The following ZNF618 variants were observed in gnomAD, a reference collection of about 807,000 sequenced individuals.
The protein encoded by ZNF618 is neural precursor cell expressed, developmentally down-regulated 10.
ZNF618 carries 34 observed loss-of-function variants against 103.0 expected under a neutral mutation model. That is an observed-to-expected ratio of 0.33 (90% CI 0.25 to 0.44). The LOEUF (loss-of-function observed/expected upper bound fraction) is 0.44, where lower values mean the gene tolerates loss of function less well. Ranked by LOEUF, ZNF618 falls within the 20% of genes least tolerant of loss-of-function variation. The probability of loss-of-function intolerance (pLI) is 1.00; values close to 1 mark genes in which losing one functional copy is unlikely to be tolerated. For missense variants in ZNF618, 1,059 were observed against 1,295.4 expected (o/e 0.82, Z 2.80); for synonymous variants, 551 against 542.2 (o/e 1.02, Z -0.23).
intron 1 of ZNF618, among the ~76,000 whole-genome samples, chr9:113,917,272 G>A (rs372362460): frequency 7.7e-6 from 1 of 129,822 alleles, no homozygotes; most frequent in African/African-American, 2.9e-5. Context: ...TGAGATAGGG[G>A]TCTGGCTTTG....
At chr9:114,041,948 T>G (rs1372627558) in intron 13 of ZNF618, among the ~76,000 whole-genome samples, 4 of 152,254 alleles carry the variant, frequency 2.6e-5, no homozygotes, top group African/African-American at 9.6e-5. Flanking sequence ...ATATTGATTC[T>G]TCCTATCCAT....
chr9:114,000,723 T>G (rs1841110579), intron 4 of ZNF618, among the ~76,000 whole-genome samples: 2 of 152,168 alleles, frequency 1.3e-5, no homozygotes, highest in Non-Finnish European at 2.9e-5. Flanking sequence ...GAGTAGGAGT[T>G]AATGATCTTC....
chr9:113,881,847 T>G (rs1041916120), intron 1 of ZNF618, among the ~76,000 whole-genome samples: 4 of 152,196 alleles, frequency 2.6e-5, no homozygotes, highest in Admixed American at 1.3e-4. Flanking sequence ...CTTTTATTTG[T>G]CCCAACGCAG....
intron 12 of ZNF618, among the ~76,000 whole-genome samples, chr9:114,034,006 T>TTTA (rs1310064367): frequency 6.6e-6 from 1 of 152,164 alleles, no homozygotes; most frequent in African/African-American, 2.4e-5. Context: ...CACCACTTAC[T>TTTA]AGCTGGTGAC....
intron 8 of ZNF618, 46 bp downstream of exon 8, chr9:114,008,425 G>A (rs756950860): frequency 6.2e-7 from 1 of 1,613,900 alleles, no homozygotes. Flanking sequence ...CCCCGGCTGG[G>A]CTCCTGAGAC....
intron 9 of ZNF618, among the ~76,000 whole-genome samples, chr9:114,011,230 A>G (rs1842211622): frequency 1.3e-5 from 2 of 152,216 alleles, no homozygotes; most frequent in South Asian, 4.1e-4. Flanking sequence ...CAGGATTGTC[A>G]TGGGGCTTAG....
intron 10 of ZNF618, among the ~76,000 whole-genome samples, chr9:114,025,671 C>T (rs749308004): frequency 6.6e-6 from 1 of 152,078 alleles, no homozygotes; most frequent in Non-Finnish European, 1.5e-5. Context: ...CCCAACCCAC[C>T]CTGTGACCCA....
At chr9:113,999,968 A>G (rs1438122085) in intron 4 of ZNF618, among the ~76,000 whole-genome samples, 1 of 152,240 alleles carries the variant, frequency 6.6e-6, no homozygotes, top group Non-Finnish European at 1.5e-5. Context: ...GATGAGTACA[A>G]CAGCAAGACA....
At chr9:113,975,587 C>T (rs531263407) in intron 2 of ZNF618, among the ~76,000 whole-genome samples, 55 of 152,156 alleles carry the variant, frequency 3.6e-4, no homozygotes, top group South Asian at 8.3e-4. Context: ...ACATGATGCT[C>T]AAAGGAAATG....
intron 1 of ZNF618, among the ~76,000 whole-genome samples, chr9:113,942,105 A>T (rs899488872): frequency 6.6e-6 from 1 of 152,192 alleles, no homozygotes; most frequent in Non-Finnish European, 1.5e-5. Flanking sequence ...TTTTTTCTGT[A>T]ATTCCTCGTG....
chr9:113,883,783 A>T (rs1219932624), intron 1 of ZNF618, among the ~76,000 whole-genome samples: 1 of 152,166 alleles, frequency 6.6e-6, no homozygotes, highest in East Asian at 1.9e-4. Context: ...TTCTGAAATC[A>T]GGATGCCCCT....
At chr9:113,900,342 G>C (rs945579614) in intron 1 of ZNF618, among the ~76,000 whole-genome samples, 1 of 152,130 alleles carries the variant, frequency 6.6e-6, no homozygotes, top group African/African-American at 2.4e-5. Flanking sequence ...GATTACAGGC[G>C]TGAGCCACCA....
At chr9:114,016,169 A>G in intron 9 of ZNF618, 1 of 1,613,634 alleles carries the variant, frequency 6.2e-7, no homozygotes. Context: ...GTGCCAAAAG[A>G]GAGGTAAAGA....
At chr9:113,884,774 C>CGG (rs1554716656) in intron 1 of ZNF618, among the ~76,000 whole-genome samples, 1 of 142,168 alleles carries the variant, frequency 7.0e-6, no homozygotes, top group Non-Finnish European at 1.5e-5. Context: ...CACAAACACA[C>CGG]AGAGAGAGAG....
At chr9:113,889,337 C>G (rs58721687) in intron 1 of ZNF618, among the ~76,000 whole-genome samples, 2,407 of 150,872 alleles carry the variant, frequency 0.016, 54 homozygotes, top group African/African-American at 0.055. Context: ...CTCTCTCTCT[C>G]TCTCTCTCTT....
intron 6 of ZNF618, among the ~76,000 whole-genome samples, chr9:114,006,009 A>G (rs574563226): frequency 3.3e-5 from 5 of 152,194 alleles, no homozygotes; most frequent in Non-Finnish European, 5.9e-5. Flanking sequence ...CTCAGGGACC[A>G]GTTTGTGTCT....
intron 7 of ZNF618, 76 bp from the exon 8 acceptor site, chr9:114,008,268 C>T (rs988926247): frequency 4.4e-6 from 7 of 1,585,634 alleles, no homozygotes; most frequent in African/African-American, 1.3e-5. Context: ...GTGGCAGAGG[C>T]AGCTCTGGGC....
At chr9:113,913,324 C>T (rs1831735897) in intron 1 of ZNF618, among the ~76,000 whole-genome samples, 1 of 152,246 alleles carries the variant, frequency 6.6e-6, no homozygotes, top group Non-Finnish European at 1.5e-5. Flanking sequence ...TTCAGGATTG[C>T]TGTCCCTCAA....
In ZNF618 at chr9:114,049,488, A is replaced by G; in HGVS notation, c.2186A>G (p.Lys729Arg). ...ATGAACCTCATCCAGAGCCTCAACA[A>G]GCACCTGCTCAGCAACCTGGCGGCC... ...KKMNLIQSLN[K>R]HLLSNLAAIL... The change falls in exon 15 of 15, where the codon AAG (lysine) becomes AGG (arginine). Residue 729 changes from lysine to arginine, a missense_variant. By Grantham distance (26) the Lys-to-Arg change is conservative. This residue lies in a region of ZNF618 where 272 missense variants were observed against 380.1 expected (regional missense o/e 0.72). Coordinates refer to ENST00000374126, the MANE Select transcript of ZNF618 (RefSeq NM_001318042.2). 6.2e-7 allele frequency: 1 copy of G among 1,613,202 alleles called. No individual in the cohort carries two copies. The highest frequency in any genetic ancestry group is 8.5e-7 in the Non-Finnish European group (1 of 1,179,546).
Sources: gnomAD v4.1 joint callset for allele counts (sites outside exome capture counted in the v4.1 genomes callset) on GRCh38, gnomAD v4.1.1 for gene constraint, gnomAD v4.1.1 regional missense constraint, MANE v1.5 for transcripts, NCBI Gene and HGNC (gene_info 2026-07-23, HGNC 2026-07-21) for gene names.